The following COX15 variants were observed in gnomAD, a reference collection of about 807,000 sequenced individuals.
COX15 encodes the protein cytochrome c oxidase assembly factor COX15.
In COX15, 51 loss-of-function variants were observed where a neutral mutation model predicts 51.9. That is an observed-to-expected ratio of 0.98 (90% CI 0.78 to 1.24). The LOEUF (loss-of-function observed/expected upper bound fraction) is 1.24, where lower values mean the gene tolerates loss of function less well. COX15 is among the 50% of genes most tolerant of loss of function. The pLI is 0.00. For missense variants in COX15, 420 were observed against 501.1 expected (o/e 0.84, Z 1.55); for synonymous variants, 188 against 190.5 (o/e 0.99, Z 0.11).
the COX15 span, chr10:99,704,560 C>T: frequency 6.2e-7 from 1 of 1,614,056 alleles, no homozygotes; most frequent in African/African-American, 1.3e-5. Context: ...TGCTACTGGC[C>T]ATCTTCCTAT....
At chr10:99,724,908 C>T (rs1194297274) in intron 4 of COX15, among the ~76,000 whole-genome samples, 1 of 152,120 alleles carries the variant, frequency 6.6e-6, no homozygotes, top group Non-Finnish European at 1.5e-5. Flanking sequence ...GCATGCAGAT[C>T]GCTTTGCAAA....
downstream of COX15, among the ~76,000 whole-genome samples, chr10:99,707,914 A>G (rs564893685): frequency 1.3e-5 from 2 of 152,312 alleles, no homozygotes; most frequent in South Asian, 4.1e-4. Flanking sequence ...TTCCCACACC[A>G]AGGAACAAAT....
intron 5 of COX15, chr10:99,722,984 A>G (rs567209754): frequency 1.3e-5 from 2 of 152,296 alleles, no homozygotes; most frequent in Admixed American, 1.3e-4. Flanking sequence ...CTCTGTGGGA[A>G]TGACTGCCAA....
intron 6 of COX15, among the ~76,000 whole-genome samples, chr10:99,718,788 GAAA>G (rs1051223615): frequency 6.6e-6 from 1 of 152,016 alleles, no homozygotes; most frequent in Non-Finnish European, 1.5e-5. Context: ...TATTAGCTTA[GAAA>G]AATTCCCTTA....
downstream of COX15, chr10:99,710,599 A>C: frequency 1.0e-6 from 1 of 985,444 alleles, no homozygotes; most frequent in Non-Finnish European, 1.2e-6. Flanking sequence ...GTCAGTGTTG[A>C]GGAAAATGTG....
chr10:99,726,609 C>T lies in COX15; in HGVS notation c.582+359G>A, dbSNP rs568839763. On this transcript the variant is annotated intron_variant, in intron 4 of 8. Transcript: ENST00000016171. ...CTTAAAAAGAATGCCAACTAGGGGC[C>T]GGGCGCAGTGGCTCACACCTGTAAT... Among the ~76,000 whole-genome samples the T allele has an allele frequency of 7.4e-4, 113 of 152,236 alleles. 1 individual carries two copies. The South Asian group carries it at 0.014, about 18-fold the overall frequency.
At chr10:99,731,849 G>A (rs538777965) in intron 1 of COX15, 111 bp downstream of exon 1, 3 of 1,371,762 alleles carry the variant, frequency 2.2e-6, no homozygotes, top group South Asian at 2.5e-5. Context: ...TGCGTTGTGA[G>A]TGCACTGTAA....
Position 99,714,191 on chromosome 10 carries a change from A to G in COX15, c.*396T>C, listed in dbSNP as rs1471152240. 5 of 1,065,820 alleles carry G rather than the reference A, an allele frequency of 4.7e-6. No individual in the cohort carries two copies. The highest frequency in any genetic ancestry group is 5.7e-6 in the Non-Finnish European group (5 of 877,160). The allele number at this position is 1,065,820 out of a possible 1,614,324, so 66.0% of individuals were successfully genotyped here. A position where few individuals can be genotyped will look rare whatever the true frequency, so the allele number is the denominator to read the frequency against. ...ATCCTTTCAATCTTCACCTAATGGA[A>G]GTGAAGTTAAGATCATAAAGAAATT... On this transcript the variant is annotated 3_prime_UTR_variant, in exon 9 of 9. Transcript: ENST00000016171.
At chr10:99,704,416 GT>G in the COX15 span, 30 of 1,608,298 alleles carry the variant, frequency 1.9e-5, no homozygotes, top group Non-Finnish European at 2.6e-5. Flanking sequence ...AAACTTAACA[GT>G]TTTTTCCACC....
the COX15 span, chr10:99,695,941 G>A: frequency 2.5e-6 from 4 of 1,581,794 alleles, no homozygotes; most frequent in South Asian, 4.7e-5. Context: ...TTTTTCTCTT[G>A]GTATTGTATT....
chr10:99,701,150 A>C, the COX15 span: 1 of 1,116,792 alleles, frequency 9.0e-7, no homozygotes, highest in South Asian at 1.3e-5. Context: ...ATTAGATTTC[A>C]TGTTGAGGGA....
At chr10:99,703,374 T>C in the COX15 span, among the ~76,000 whole-genome samples, 2 of 152,140 alleles carry the variant, frequency 1.3e-5, no homozygotes, top group Admixed American at 1.3e-4. Flanking sequence ...TAGGTGGGGG[T>C]TGCCCACAAC....
In COX15 at chr10:99,713,405, A is replaced by G; in HGVS notation, c.*1182T>C. Reference sequence around the variant, plus strand: ...TATATTAGCAATATTGGGTTGCTCCATCCTCAAATCAGATGTTTCTGATGC... The same window carrying G: ...TATATTAGCAATATTGGGTTGCTCCGTCCTCAAATCAGATGTTTCTGATGC... On this transcript the variant is annotated 3_prime_UTR_variant, in exon 9 of 9. Transcript: ENST00000016171. 1 of 1,613,972 alleles carries G rather than the reference A, an allele frequency of 6.2e-7. No individual in the cohort carries two copies. Among genetic ancestry groups the G allele is most frequent in the Non-Finnish European group, 8.5e-7 (1 of 1,179,992 alleles).
At chr10:99,721,980 C>T (rs2036790306) in intron 5 of COX15, among the ~76,000 whole-genome samples, 2 of 152,130 alleles carry the variant, frequency 1.3e-5, no homozygotes, top group Admixed American at 6.5e-5. Flanking sequence ...TCTCCTGCCT[C>T]AGCCTCCCAA....
Position 99,723,145 on chromosome 10 carries a change from CT to C in COX15, c.750+810del, listed in dbSNP as rs769674495. On this transcript the variant is annotated intron_variant, in intron 5 of 8. Transcript: ENST00000016171. ...TGATTTCAATACCTAATATAAGACT[CT>C]TTTTTTTTTTTTGGAGATGGAATTT... 2.1e-3 allele frequency: 306 copies of C among 144,200 alleles called. 1 individual carries two copies. Among genetic ancestry groups the C allele is most frequent in the Non-Finnish European group, 2.8e-3 (180 of 65,394 alleles). The allele number at this position is 144,200 out of a possible 1,614,324, so 8.9% of individuals were successfully genotyped here.
In COX15 at chr10:99,718,412, G is replaced by T; in HGVS notation, c.921C>A (p.Thr307=). 6.2e-7 allele frequency: 1 copy of T among 1,614,066 alleles called. No homozygotes were observed. Residue 307 remains threonine (T), a synonymous_variant, in exon 7 of 9, where the codon ACC becomes ACA. Coordinates refer to ENST00000016171, the MANE Select transcript of COX15 (RefSeq NM_078470.6). ...AAACATTCCTCAGGATGGGGGAGAAGGTAAAGAGGTCCTCCGGGATCCAGG... is the reference window on the plus strand; with the variant it reads ...AAACATTCCTCAGGATGGGGGAGAATGTAAAGAGGTCCTCCGGGATCCAGG... ...GESWIPEDLF[T]FSPILRNVFE...
chr10:99,719,885 ATAT>A (rs543039199), intron 6 of COX15, among the ~76,000 whole-genome samples: 125 of 152,284 alleles, frequency 8.2e-4, no homozygotes, highest in African/African-American at 2.9e-3. Context: ...GTTTGAATCA[ATAT>A]TATTTTTAGT....
chr10:99,722,944 C>T (rs1219929623), intron 5 of COX15: 1 of 152,086 alleles, frequency 6.6e-6, no homozygotes, highest in Admixed American at 6.6e-5. Flanking sequence ...TGGTTGTCTA[C>T]TGTATCAATA....
downstream of COX15, among the ~76,000 whole-genome samples, chr10:99,706,521 T>C (rs1045885228): frequency 6.6e-6 from 1 of 151,482 alleles, no homozygotes; most frequent in Middle Eastern, 3.4e-3. Context: ...TTTATTTTTT[T>C]AGAGATGGAG....
Sources: gnomAD v4.1 joint callset for allele counts (sites outside exome capture counted in the v4.1 genomes callset) on GRCh38, gnomAD v4.1.1 for gene constraint, MANE v1.5 for transcripts, NCBI Gene and HGNC (gene_info 2026-07-23, HGNC 2026-07-21) for gene names.